CDH12: variants seen among roughly 807,000 people sequenced by gnomAD.
CDH12 encodes the protein cadherin 12.
A neutral mutation model predicts 74.1 loss-of-function variants in CDH12; 41 were observed. That is an observed-to-expected ratio of 0.55 (90% CI 0.43 to 0.72). The LOEUF (loss-of-function observed/expected upper bound fraction) is 0.72. CDH12 is among the 30% of genes least tolerant of loss of function. The pLI, the probability that CDH12 is intolerant of heterozygous loss-of-function variation, is 0.00. For missense variants in CDH12, 945 were observed against 977.2 expected, an observed-to-expected ratio of 0.97 and a Z score of 0.44; for synonymous variants, 399 against 355.0, an observed-to-expected ratio of 1.12 and a Z score of -1.39.
At chr5:22,717,042 T>C (rs1237650453) in intron 1 of CDH12, among the ~76,000 whole-genome samples, 2 of 152,168 alleles carry the variant, frequency 1.3e-5, no homozygotes, top group African/African-American at 4.8e-5. Context: ...GGAGTAGTTA[T>C]AGGAAGCTAA....
rs532499192 is a variant in CDH12 at position 22,722,169 on chromosome 5, C to A, written c.-523+130889G>T. Among the ~76,000 whole-genome samples, 8 of 152,320 alleles carry A rather than the reference C, an allele frequency of 5.3e-5. No individual in the cohort carries two copies. The South Asian group carries it at 1.4e-3, about 28-fold the overall frequency. ...CAAGCTGTAGTTATTTGTTTCCCTA[C>A]TGTTTGTTGAGTTTCTAGAAAACAC... On this transcript the variant is annotated intron_variant, in intron 1 of 14. Coordinates refer to ENST00000382254, the MANE Select transcript of CDH12 (RefSeq NM_004061.5).
chr5:21,822,439 T>A (rs992524647), intron 8 of CDH12, among the ~76,000 whole-genome samples: 1 of 151,904 alleles, frequency 6.6e-6, no homozygotes, highest in East Asian at 1.9e-4. Context: ...AGAAAAAAAA[T>A]GTTTTGGTGG....
At chr5:22,410,199 C>G (rs959547663) in intron 2 of CDH12, among the ~76,000 whole-genome samples, 25 of 152,028 alleles carry the variant, frequency 1.6e-4, no homozygotes, top group Non-Finnish European at 2.6e-4. Flanking sequence ...CCATTCTCCC[C>G]CAAGGATAGG....
chr5:22,663,207 A>T (rs1239290614), intron 1 of CDH12, among the ~76,000 whole-genome samples: 2 of 152,212 alleles, frequency 1.3e-5, no homozygotes, highest in African/African-American at 4.8e-5. Context: ...AGACAAATGT[A>T]AGAAATGAAA....
intron 1 of CDH12, among the ~76,000 whole-genome samples, chr5:22,565,139 T>C (rs1293568982): frequency 2.0e-5 from 3 of 152,098 alleles, no homozygotes; most frequent in Admixed American, 6.6e-5. Flanking sequence ...TTTCACCACG[T>C]TGGCCAAGAT....
chr5:22,429,313 A>AT (rs908360130), intron 2 of CDH12, among the ~76,000 whole-genome samples: 1 of 150,796 alleles, frequency 6.6e-6, no homozygotes, highest in East Asian at 2.0e-4. Context: ...GTTTTTTTGC[A>AT]TTTTTTTTAG....
chr5:22,348,776 C>T lies in CDH12; in HGVS notation c.-333+56481G>A, dbSNP rs551224157. Among the ~76,000 whole-genome samples, 6 of 152,226 alleles carry T rather than the reference C, an allele frequency of 3.9e-5. No individual in the cohort carries two copies. The South Asian group carries it at 1.2e-3, about 32-fold the overall frequency. ...ATTTAAAAGATATGGATGGGATGTC[C>T]ATAATGCTAGGCACTCATTGGTGAC... is the stretch of plus-strand genomic sequence containing the variant. On this transcript the variant is annotated intron_variant, in intron 3 of 14. Coordinates refer to ENST00000382254, the MANE Select transcript of CDH12 (RefSeq NM_004061.5).
intron 5 of CDH12, among the ~76,000 whole-genome samples, chr5:22,007,813 G>A (rs1222795385): frequency 6.6e-6 from 1 of 152,088 alleles, no homozygotes; most frequent in East Asian, 1.9e-4. Flanking sequence ...TAATGTTTTG[G>A]CTGATGATTT....
chr5:22,830,020 A>G (rs1736517801), intron 1 of CDH12, among the ~76,000 whole-genome samples: 7 of 152,198 alleles, frequency 4.6e-5, no homozygotes. Context: ...TTTTCATTAT[A>G]TCACACATCA....
intron 5 of CDH12, among the ~76,000 whole-genome samples, chr5:21,988,206 T>C (rs1296354512): frequency 6.6e-6 from 1 of 152,034 alleles, no homozygotes; most frequent in East Asian, 1.9e-4. Flanking sequence ...ATCAGAAAAA[T>C]GCCTGCCTGG....
chr5:21,864,695 T>G (rs1205616563), intron 6 of CDH12, among the ~76,000 whole-genome samples: 1 of 152,160 alleles, frequency 6.6e-6, no homozygotes, highest in Non-Finnish European at 1.5e-5. Context: ...ACTTTGAAAC[T>G]GCGTAATGGA....
intron 2 of CDH12, among the ~76,000 whole-genome samples, chr5:22,457,429 T>G (rs1020952485): frequency 6.6e-6 from 1 of 151,916 alleles, no homozygotes; most frequent in African/African-American, 2.4e-5. Flanking sequence ...TTCTTCATTT[T>G]TTTTTTTTGA....
chr5:22,537,496 G>T (rs1463826209), intron 1 of CDH12, among the ~76,000 whole-genome samples: 2 of 152,096 alleles, frequency 1.3e-5, no homozygotes, highest in South Asian at 4.1e-4. Context: ...GCTAAGGTCA[G>T]CATGGCCATA....
At chr5:22,606,457 C>A (rs1434926419) in intron 1 of CDH12, among the ~76,000 whole-genome samples, 3 of 152,192 alleles carry the variant, frequency 2.0e-5, no homozygotes, top group Non-Finnish European at 4.4e-5. Flanking sequence ...ATAATTGAAT[C>A]ATGGGAGCAG....
intron 5 of CDH12, among the ~76,000 whole-genome samples, chr5:22,029,684 C>A (rs1279918476): frequency 6.6e-6 from 1 of 152,178 alleles, no homozygotes; most frequent in African/African-American, 2.4e-5. Flanking sequence ...ACTAGATCAA[C>A]CATTGTGGAA....
At chr5:22,660,904 G>A (rs1294087542) in intron 1 of CDH12, among the ~76,000 whole-genome samples, 1 of 151,998 alleles carries the variant, frequency 6.6e-6, no homozygotes, top group African/African-American at 2.4e-5. Flanking sequence ...AACATTCATT[G>A]ATTAAAAACA....
chr5:22,355,029 A>T (rs1318865353), intron 3 of CDH12, among the ~76,000 whole-genome samples: 2 of 152,162 alleles, frequency 1.3e-5, no homozygotes, highest in African/African-American at 4.8e-5. Flanking sequence ...ATAATTGCCT[A>T]TATTAAACCC....
chr5:21,880,607 CCTTCCT>C (rs1327476878), intron 6 of CDH12, among the ~76,000 whole-genome samples: 1 of 70,086 alleles, frequency 1.4e-5, no homozygotes, highest in African/African-American at 5.1e-5. Flanking sequence ...TTCCTTCCTT[CCTTCCT>C]TCCTTCTTTC....
intron 2 of CDH12, among the ~76,000 whole-genome samples, chr5:22,442,006 T>A (rs1441870470): frequency 6.6e-6 from 1 of 152,128 alleles, no homozygotes; most frequent in Non-Finnish European, 1.5e-5. Context: ...GCGTGGCCCC[T>A]TTATTTGTAT....
Sources: gnomAD v4.1 joint callset for allele counts (sites outside exome capture counted in the v4.1 genomes callset) on GRCh38, gnomAD v4.1.1 for gene constraint, MANE v1.5 for transcripts, NCBI Gene and HGNC (gene_info 2026-07-23, HGNC 2026-07-21) for gene names.